Variants in POLR2M observed in about 807,000 individuals in gnomAD.
POLR2M encodes RNA polymerase II subunit M.
A neutral mutation model predicts 34.6 loss-of-function variants in POLR2M; 30 were observed. That is an observed-to-expected ratio of 0.87 (90% CI 0.65 to 1.18). The LOEUF is 1.18. Ranked by LOEUF, POLR2M falls within the 50% of genes most tolerant of loss-of-function variation. POLR2M has a pLI of 0.00. For missense variants in POLR2M, 432 were observed against 448.7 expected (o/e 0.96, Z 0.34); for synonymous variants, 150 against 166.7 (o/e 0.90, Z 0.77).
intron 3 of POLR2M, among the ~76,000 whole-genome samples, chr15:57,713,873 G>A (rs138619349): frequency 9.8e-5 from 10 of 102,402 alleles, no homozygotes; most frequent in Non-Finnish European, 1.8e-4. Flanking sequence ...ACGGAGTCTT[G>A]TTCTGTCACC....
intron 1 of POLR2M, chr15:57,707,265 C>G: frequency 3.1e-6 from 3 of 976,462 alleles, no homozygotes; most frequent in South Asian, 3.4e-5. Context: ...CTTTCTAAAC[C>G]CTTTTGTCGC....
At position 57,715,849 on chromosome 15, in the gene POLR2M, C is replaced by G. The variant is rs3985736; in HGVS notation, c.*1170C>G. The G allele has an allele frequency of 8.1e-6, 1 of 123,458 alleles. No individual in the cohort carries two copies. Among genetic ancestry groups the G allele is most frequent in the African/African-American group, 3.0e-5 (1 of 33,146 alleles). The allele number at this position is 123,458 out of a possible 1,614,324, so 7.6% of individuals were successfully genotyped here. On this transcript the variant is annotated 3_prime_UTR_variant, in exon 4 of 4. Coordinates refer to ENST00000299638, the MANE Select transcript of POLR2M (RefSeq NM_015532.5). ...TGTTTTACCGGGACTTAATTAAATA[C>G]AACTTTTTCCTTTCGAAAAAGACTG... is the stretch of plus-strand genomic sequence containing the variant.
rs148475097 is a variant in POLR2M, at chr15:57,709,047, A to G, written c.447A>G (p.Thr149=). 973 of 1,614,102 alleles carry G rather than the reference A, an allele frequency of 6.0e-4. 10 individuals are homozygous for G. The African/African-American group carries it at 0.01, about 17-fold the overall frequency. Reference sequence around the variant, plus strand: ...AAGAGACTTCAGAGGTTGAGTACACAGTGAATAAGGGCCCAGCTTCCAGCA... The same window carrying G: ...AAGAGACTTCAGAGGTTGAGTACACGGTGAATAAGGGCCCAGCTTCCAGCA... ...GDEETSEVEY[T]VNKGPASSNR... The change falls in exon 2 of 4, where the codon ACA becomes ACG. Residue 149 remains threonine, a synonymous_variant. Coordinates refer to ENST00000299638, the MANE Select transcript of POLR2M (RefSeq NM_015532.5).
intron 3 of POLR2M, among the ~76,000 whole-genome samples, chr15:57,713,797 A>C (rs2040830699): frequency 6.9e-6 from 1 of 144,648 alleles, no homozygotes; most frequent in African/African-American, 2.5e-5. Context: ...TCAGTTGTAG[A>C]AATCTAGACA....
intron 1 of POLR2M, among the ~76,000 whole-genome samples, chr15:57,707,809 G>A (rs1167395418): frequency 1.3e-5 from 2 of 152,216 alleles, no homozygotes; most frequent in African/African-American, 4.8e-5. Context: ...AAGTAGTCAT[G>A]AGGCTCAAGA....
Position 57,717,273 on chromosome 15 carries a change from T to C in POLR2M, c.*2594T>C, listed in dbSNP as rs1383252009. 1 of 152,240 alleles carries C rather than the reference T, an allele frequency of 6.6e-6. No individual in the cohort carries two copies. The highest frequency in any genetic ancestry group is 2.4e-5 in the African/African-American group (1 of 41,464). The allele number at this position is 152,240 out of a possible 1,614,324, so 9.4% of individuals were successfully genotyped here. On this transcript the variant is annotated 3_prime_UTR_variant, in exon 4 of 4. Transcript: ENST00000299638. ...AGTACACAGGTTCTCCCTTGTTCTT[T>C]TAAATTTTGTGAAATATAACTTACA...
rs10656680 is a variant in POLR2M, at chr15:57,713,197, C to CA, written c.963+1020dup. Among the ~76,000 whole-genome samples the CA allele has an allele frequency of 4.3e-3, 631 of 145,834 alleles. 8 individuals carry two copies. The South Asian group carries it at 0.045, about 10-fold the overall frequency. On this transcript the variant is annotated intron_variant, in intron 3 of 3. Coordinates refer to ENST00000299638, the MANE Select transcript of POLR2M (RefSeq NM_015532.5). Reference sequence around the variant, plus strand: ...TGGGTGACAGAGTGAGACCCTGTCTCAAAAAAAAAAACAACAAAACAGGCT... The same window carrying CA: ...TGGGTGACAGAGTGAGACCCTGTCTCAAAAAAAAAAAACAACAAAACAGGCT...
chr15:57,710,826 C>T (rs541385471), intron 2 of POLR2M, among the ~76,000 whole-genome samples: 2 of 152,188 alleles, frequency 1.3e-5, no homozygotes, highest in South Asian at 4.2e-4. Context: ...AGGCCATAGA[C>T]AGGTAGGGAT....
Position 57,715,965 on chromosome 15 carries a change from GT to G in POLR2M, c.*1290del, listed in dbSNP as rs1452377174. ...GTATACTGACCTAAGATTCTCATTA[GT>G]TTTAGTTCTTAAAACGAATAGTAAA... On this transcript the variant is annotated 3_prime_UTR_variant, in exon 4 of 4. Coordinates refer to ENST00000299638, the MANE Select transcript of POLR2M (RefSeq NM_015532.5). 1.3e-5 allele frequency: 2 copies of G among 152,282 alleles called. No homozygotes were observed. Among genetic ancestry groups the G allele is most frequent in the Non-Finnish European group, 2.9e-5 (2 of 68,054 alleles). The allele number at this position is 152,282 out of a possible 1,614,324, so 9.4% of individuals were successfully genotyped here.
intron 1 of POLR2M, among the ~76,000 whole-genome samples, 190 bp from the exon 2 acceptor site, chr15:57,708,524 C>T (rs1452495671): frequency 6.6e-6 from 1 of 152,132 alleles, no homozygotes; most frequent in Non-Finnish European, 1.5e-5. Context: ...CCTGCATTCC[C>T]TTGTTTTTTG....
At chr15:57,707,869 T>A (rs759519683) in intron 1 of POLR2M, among the ~76,000 whole-genome samples, 2 of 151,732 alleles carry the variant, frequency 1.3e-5, no homozygotes, top group Non-Finnish European at 2.9e-5. Context: ...AGCTGTAGAG[T>A]GTTGTTAATA....
chr15:57,707,228 G>C (rs2040528376), intron 1 of POLR2M: 3 of 1,332,614 alleles, frequency 2.3e-6, no homozygotes, highest in African/African-American at 3.0e-5. Context: ...TTATTTACCC[G>C]GGGACTGTGG....
In POLR2M at chr15:57,717,212, CAAT is replaced by C. The variant is rs2040981109; in HGVS notation, c.*2537_*2539del. ...GCCTTCTGGGTTTTTTCTACACTGT[CAAT>C]AATTATCGCTTTAATTGGTGTTAAT... is the stretch of plus-strand genomic sequence containing the variant. On this transcript the variant is annotated 3_prime_UTR_variant, in exon 4 of 4. Coordinates refer to ENST00000299638, the MANE Select transcript of POLR2M (RefSeq NM_015532.5). 2 of 152,180 alleles carry C rather than the reference CAAT, an allele frequency of 1.3e-5. No homozygotes were observed. Among genetic ancestry groups the C allele is most frequent in the South Asian group, 2.1e-4 (1 of 4,828 alleles). 9.4% of individuals were successfully genotyped at this position (152,180 alleles called of 1,614,324 possible). A position where few individuals can be genotyped will look rare whatever the true frequency, so the allele number is the denominator to read the frequency against.
intron 3 of POLR2M, among the ~76,000 whole-genome samples, chr15:57,713,374 C>G (rs1200332907): frequency 1.3e-5 from 2 of 151,692 alleles, no homozygotes; most frequent in African/African-American, 4.9e-5. Context: ...TCTCTGAGCT[C>G]TTAAATGCCT....
chr15:57,709,096 T>A lies in POLR2M; in HGVS notation c.496T>A (p.Ser166Thr). The A allele has an allele frequency of 1.9e-6, 3 of 1,614,154 alleles. No individual in the cohort carries two copies. Among genetic ancestry groups the A allele is most frequent in the Non-Finnish European group, 2.5e-6 (3 of 1,180,026 alleles). The change falls in exon 2 of 4, where the codon TCT becomes ACT. Residue 166 changes from serine (S) to threonine (T), a missense_variant. Coordinates refer to ENST00000299638, the MANE Select transcript of POLR2M (RefSeq NM_015532.5). ...SSNRDRVPPS[S>T]EASEHHPRHR... ...CAATAGAGACAGGGTACCACCTTCA[T>A]CTGAAGCTAGTGAGCATCACCCGCG...
intron 3 of POLR2M, among the ~76,000 whole-genome samples, chr15:57,713,025 A>C (rs367585858): frequency 2.4e-4 from 37 of 152,080 alleles, no homozygotes; most frequent in African/African-American, 8.2e-4. Context: ...ACATAGCTAG[A>C]CTCCATCTTT....
intron 1 of POLR2M, chr15:57,707,491 C>A (rs1417155620): frequency 1.9e-6 from 1 of 513,972 alleles, no homozygotes; most frequent in East Asian, 5.2e-5. Context: ...CAGCTTGTTG[C>A]AAAAGATGGT....
In POLR2M at chr15:57,711,989, C is replaced by T. The variant is rs1242489287; in HGVS notation, c.764C>T (p.Pro255Leu). The change falls in exon 3 of 4, where the codon CCT (proline) becomes CTT (leucine). Residue 255 changes from proline to leucine, a missense_variant. Pro to Leu is a moderately conservative substitution (Grantham distance 98, BLOSUM62 -3). Coordinates refer to ENST00000299638, the MANE Select transcript of POLR2M (RefSeq NM_015532.5). ...ACAAGTTTTCCTTTCATCAGGTTAC[C>T]TTTTCGACAAAATGATTCATCTAGT... is the stretch of plus-strand genomic sequence containing the variant. The part of the protein sequence containing the change: ...QLRKFKTNVL[P>L]FRQNDSSSHC... 1 of 1,613,892 alleles carries T rather than the reference C, an allele frequency of 6.2e-7. No homozygotes were observed. Among genetic ancestry groups the T allele is most frequent in the African/African-American group, 1.3e-5 (1 of 75,022 alleles).
At position 57,706,933 on chromosome 15, in the gene POLR2M, C is replaced by A. The variant is rs1458775433; in HGVS notation, c.91C>A (p.Gln31Lys). 1.2e-6 allele frequency: 2 copies of A among 1,603,828 alleles called. No individual in the cohort carries two copies. The highest frequency in any genetic ancestry group is 3.4e-5 in the Admixed American group (2 of 58,792). ...LVELREMLKR[Q>K]ERLLRNEKFI... ...GGAGCTGCGGGAAATGTTGAAGCGC[C>A]AGGAGAGACTTTTGCGCAACGAGTA... is the stretch of plus-strand genomic sequence containing the variant. The change falls in exon 1 of 4, where the codon CAG becomes AAG. Residue 31 changes from glutamine (Q) to lysine (K), a missense_variant. Gln to Lys is a moderately conservative substitution (Grantham distance 53). Coordinates refer to ENST00000299638, the MANE Select transcript of POLR2M (RefSeq NM_015532.5).
Sources: gnomAD v4.1 joint callset for allele counts (sites outside exome capture counted in the v4.1 genomes callset) on GRCh38, gnomAD v4.1.1 for gene constraint, MANE v1.5 for transcripts, NCBI Gene and HGNC (gene_info 2026-07-23, HGNC 2026-07-21) for gene names.